The following DDX4 variants were observed in gnomAD, a reference collection of about 807,000 sequenced individuals.
DDX4 encodes probable ATP-dependent RNA helicase DDX4.
In DDX4, 25 loss-of-function variants were observed where a neutral mutation model predicts 100.0. The ratio of observed to expected loss-of-function variants is 0.25; its 90% CI spans 0.18 to 0.35. The LOEUF (loss-of-function observed/expected upper bound fraction) is 0.35. DDX4 is among the 10% of genes least tolerant of loss of function. DDX4 has a pLI of 1.00. For synonymous variants in DDX4, 259 were observed against 275.7 expected (o/e 0.94, Z 0.60); for missense variants, 635 against 882.4 (o/e 0.72, Z 3.55).
Position 55,763,181 on chromosome 5 carries a change from G to C in DDX4, c.212G>C (p.Gly71Ala). 1 of 1,608,906 alleles carries C rather than the reference G, an allele frequency of 6.2e-7. No homozygotes were observed. Among genetic ancestry groups the C allele is most frequent in the Non-Finnish European group, 8.5e-7 (1 of 1,175,830 alleles). The change falls in exon 5 of 22, where the codon GGT (glycine) becomes GCT (alanine). Residue 71 changes from glycine to alanine, a missense_variant. Physicochemically the swap from Gly to Ala is moderately conservative, Grantham distance 60. Coordinates refer to ENST00000505374, the MANE Select transcript of DDX4 (RefSeq NM_024415.3). ...SGRNFGNRDA[G>A]ECNKRDNTST... is the part of the protein sequence containing the mutation. The stretch of plus-strand genomic sequence containing the variant: ...ACTGTCCACCCTTTTTCAGATGCTG[G>C]TGAGTGTAATAAGCGAGATAATACA...
intron 7 of DDX4, among the ~76,000 whole-genome samples, chr5:55,775,933 C>T (rs1333174432): frequency 9.9e-5 from 15 of 152,052 alleles, no homozygotes; most frequent in Admixed American, 9.8e-4. Flanking sequence ...CCAACCTGGC[C>T]AACATGTTAA....
chr5:55,777,445 A>G (rs186768654), intron 7 of DDX4: 1 of 150,788 alleles, frequency 6.6e-6, no homozygotes, highest in East Asian at 1.9e-4. Context: ...ACAAAAAAAA[A>G]TTTTTTTTTT....
Position 55,785,708 on chromosome 5 carries a change from GT to G in DDX4, c.722-16del. 1 of 1,600,744 alleles carries G rather than the reference GT, an allele frequency of 6.2e-7. No homozygotes were observed. The highest frequency in any genetic ancestry group is 8.5e-7 in the Non-Finnish European group (1 of 1,169,982). On this transcript the variant is annotated intron_variant, in intron 12 of 21. Coordinates refer to ENST00000505374, the MANE Select transcript of DDX4 (RefSeq NM_024415.3). The stretch of plus-strand genomic sequence containing the variant: ...TTGTAGTCTCTGTAACGTACATTAT[GT>G]TTTTAATTTAAATTCCAAGGACCAA...
Position 55,790,578 on chromosome 5 carries a change from C to G in DDX4, c.1175C>G (p.Thr392Ser). The G allele has an allele frequency of 6.3e-7, 1 of 1,581,656 alleles. No homozygotes were observed. The highest frequency in any genetic ancestry group is 8.7e-7 in the Non-Finnish European group (1 of 1,154,498). The change falls in exon 16 of 22, where the codon ACT (threonine) becomes AGT (serine). Residue 392 changes from threonine (T) to serine (S), a missense_variant and splice_region_variant. This residue lies in a region of DDX4 where 446 missense variants were observed against 540.8 expected (regional missense o/e 0.82). Transcript: ENST00000505374. ...YLEARKFSFG[T>S]CVRAVVIYGG... ...ACATTTAGTTTTCTTGTTAATAGGACTTGTGTAAGAGCTGTTGTTATATAT... is the reference window on the plus strand; with the variant it reads ...ACATTTAGTTTTCTTGTTAATAGGAGTTGTGTAAGAGCTGTTGTTATATAT...
At chr5:55,810,546 G>A (rs1744064296) in intron 18 of DDX4, among the ~76,000 whole-genome samples, 1 of 151,968 alleles carries the variant, frequency 6.6e-6, no homozygotes, top group African/African-American at 2.4e-5. Context: ...TTGGGATTTT[G>A]GATTTTCAAA....
intron 3 of DDX4, among the ~76,000 whole-genome samples, chr5:55,752,976 T>A (rs2111686263): frequency 6.6e-6 from 1 of 151,950 alleles, no homozygotes; most frequent in South Asian, 2.1e-4. Flanking sequence ...GCTGCATAAA[T>A]GTCTTCTTTT....
intron 15 of DDX4, among the ~76,000 whole-genome samples, chr5:55,789,821 G>A (rs1317133396): frequency 6.6e-6 from 1 of 152,116 alleles, no homozygotes; most frequent in Non-Finnish European, 1.5e-5. Flanking sequence ...GAAGGGGGAA[G>A]GTAGAATCCA....
intron 2 of DDX4, among the ~76,000 whole-genome samples, chr5:55,740,672 ATT>A (rs11294945): frequency 0.12 from 14,173 of 113,950 alleles, 722 homozygotes; most frequent in Middle Eastern, 0.17. Context: ...CGCCCCGCTA[ATT>A]TTTTTTTTTT....
At chr5:55,792,840 T>C (rs778996091) in intron 17 of DDX4, 33 bp downstream of exon 17, 4 of 1,189,816 alleles carry the variant, frequency 3.4e-6, no homozygotes, top group Non-Finnish European at 4.3e-6. Flanking sequence ...AATTTAATTA[T>C]ATATATATAC....
chr5:55,770,737 T>G (rs1373591179), intron 7 of DDX4, among the ~76,000 whole-genome samples: 1 of 152,164 alleles, frequency 6.6e-6, no homozygotes, highest in Admixed American at 6.5e-5. Flanking sequence ...CCTTAATTAC[T>G]TCTTATGATA....
chr5:55,786,711 A>C, intron 14 of DDX4, 41 bp downstream of exon 14: 1 of 1,555,674 alleles, frequency 6.4e-7, no homozygotes, highest in Non-Finnish European at 8.8e-7. Flanking sequence ...AGGTTTTTTG[A>C]GCTTTGGTTC....
rs1420480821 is a variant in DDX4 at position 55,781,936 on chromosome 5, A to C, written c.580A>C (p.Asn194His). The change falls in exon 10 of 22, where the codon AAT becomes CAT. Residue 194 changes from asparagine to histidine, a missense_variant and splice_region_variant. Around this residue, in one of 4 missense-constraint regions of DDX4, gnomAD observed 446 missense variants for 540.8 expected, o/e 0.82. Transcript: ENST00000505374. ...TGTTGTGAAACAATGCCTTACAGGT[A>C]ATGGTGATACTTCTCAAAGCAGAAG... ...SRRPVLSGTG[N>H]GDTSQSRSGS... is the part of the protein sequence containing the mutation. 3.1e-6 allele frequency: 5 copies of C among 1,613,952 alleles called. No individual in the cohort carries two copies. In the African/African-American group the frequency reaches 4.0e-5, roughly 13 times the overall value.
intron 18 of DDX4, among the ~76,000 whole-genome samples, chr5:55,808,905 C>T (rs1015707749): frequency 6.6e-6 from 1 of 152,208 alleles, no homozygotes; most frequent in African/African-American, 2.4e-5. Context: ...CTGTGCCCTG[C>T]CCCCAGAGGT....
At chr5:55,780,489 A>T (rs560907446) in intron 8 of DDX4, among the ~76,000 whole-genome samples, 2 of 152,216 alleles carry the variant, frequency 1.3e-5, no homozygotes, top group Non-Finnish European at 2.9e-5. Flanking sequence ...GTTGGAATGT[A>T]TGTGCCTCTT....
intron 7 of DDX4, among the ~76,000 whole-genome samples, chr5:55,768,988 A>T (rs562124606): frequency 6.6e-6 from 1 of 151,998 alleles, no homozygotes; most frequent in Non-Finnish European, 1.5e-5. Context: ...CTGCTTGTAC[A>T]TTTAATTTCC....
rs35392036 is a variant in DDX4 at position 55,758,868 on chromosome 5, TAAAAAAAAAAA to T, written c.128-1312_128-1302del. 1.3e-3 allele frequency among the ~76,000 whole-genome samples: 94 copies of T among 70,326 alleles called. 4 individuals carry two copies. Among genetic ancestry groups the T allele is most frequent in the South Asian group, 2.6e-3 (4 of 1,544 alleles). 46.1% of individuals were successfully genotyped at this position (70,326 alleles called of 152,430 possible). A position where few individuals can be genotyped will look rare whatever the true frequency, so the allele number is the denominator to read the frequency against. ...AGCTGCTGTATTACGTTTGTTTCCT[TAAAAAAAAAAA>T]AAAAAAAAAAAAAAAAAAAGAGGCA... is the stretch of plus-strand genomic sequence containing the variant. On this transcript the variant is annotated intron_variant, in intron 3 of 21. Transcript: ENST00000505374.
chr5:55,750,487 A>G (rs145921913), intron 3 of DDX4: 179 of 155,420 alleles, frequency 1.2e-3, no homozygotes, highest in African/African-American at 4.0e-3. Context: ...GCACCACTGA[A>G]TGACCTTTTA....
intron 8 of DDX4, among the ~76,000 whole-genome samples, chr5:55,780,378 C>T (rs1741835965): frequency 6.6e-6 from 1 of 152,130 alleles, no homozygotes; most frequent in Admixed American, 6.5e-5. Flanking sequence ...TTCTATGTGG[C>T]TTTACCTCCC....
At chr5:55,753,004 G>T (rs1420814370) in intron 3 of DDX4, among the ~76,000 whole-genome samples, 1 of 151,036 alleles carries the variant, frequency 6.6e-6, no homozygotes, top group African/African-American at 2.4e-5. Context: ...GTCTGTTCAT[G>T]TCCTTTGCCC....
Sources: allele counts gnomAD v4.1 joint callset (sites outside exome capture counted in the v4.1 genomes callset), GRCh38; gene constraint gnomAD v4.1.1; regional missense constraint gnomAD v4.1.1; transcripts MANE v1.5; gene names NCBI Gene and HGNC (gene_info 2026-07-23, HGNC 2026-07-21).